Variants in CSMD3 observed in about 807,000 individuals in gnomAD.
CSMD3 encodes the protein CUB and sushi domain-containing protein 3.
CSMD3 carries 177 observed loss-of-function variants against 435.2 expected under a neutral mutation model. The ratio of observed to expected loss-of-function variants is 0.41; its 90% CI spans 0.36 to 0.46. The LOEUF is 0.46. Ranked by LOEUF, CSMD3 falls within the 20% of genes least tolerant of loss-of-function variation. The pLI, the probability that CSMD3 is intolerant of heterozygous loss-of-function variation, is 0.34. For synonymous variants in CSMD3, 1,656 were observed against 1,520.5 expected (o/e 1.09, Z -2.07); for missense variants, 4,265 against 4,504.6 (o/e 0.95, Z 1.52).
chr8:112,509,824 C>A (rs1001310503), intron 28 of CSMD3, among the ~76,000 whole-genome samples: 1 of 151,952 alleles, frequency 6.6e-6, no homozygotes, highest in Admixed American at 6.6e-5. Flanking sequence ...ATTTTTATAC[C>A]CTGATAACAC....
chr8:112,947,914 T>C lies in CSMD3; in HGVS notation c.1421-37A>G, dbSNP rs777602304. The C allele has an allele frequency of 2.0e-5, 17 of 834,678 alleles. No homozygotes were observed. The South Asian group carries it at 2.4e-4, about 12-fold the overall frequency. 51.7% of individuals were successfully genotyped at this position (834,678 alleles called of 1,614,324 possible). On this transcript the variant is annotated intron_variant, in intron 8 of 70. Transcript: ENST00000297405. Reference sequence around the variant, plus strand: ...GGGAAAAAAGAAAAAAGAAACAAAATATATGTGATTAGAAAATCGATGATA... The same window carrying C: ...GGGAAAAAAGAAAAAAGAAACAAAACATATGTGATTAGAAAATCGATGATA...
At chr8:113,043,186 C>T (rs1421816577) in intron 5 of CSMD3, among the ~76,000 whole-genome samples, 4 of 152,178 alleles carry the variant, frequency 2.6e-5, no homozygotes, top group Non-Finnish European at 5.9e-5. Flanking sequence ...TAAATACAAA[C>T]ATGCAGGGTC....
At chr8:112,860,534 A>G (rs1190164380) in intron 10 of CSMD3, among the ~76,000 whole-genome samples, 1 of 150,828 alleles carries the variant, frequency 6.6e-6, no homozygotes, top group Non-Finnish European at 1.5e-5. Flanking sequence ...CTCCCCTTTC[A>G]CTCTTCAAAA....
intron 5 of CSMD3, among the ~76,000 whole-genome samples, chr8:113,044,453 A>G (rs2087749153): frequency 6.7e-6 from 1 of 149,018 alleles, no homozygotes; most frequent in African/African-American, 2.4e-5. Flanking sequence ...TGACCCTAAC[A>G]CTATGCCCAG....
intron 3 of CSMD3, among the ~76,000 whole-genome samples, chr8:113,198,818 T>C (rs1198028197): frequency 6.6e-6 from 1 of 151,230 alleles, no homozygotes; most frequent in African/African-American, 2.4e-5. Context: ...ATATAATTAA[T>C]ACCTTGTTTT....
chr8:113,048,141 G>A (rs532487692), intron 5 of CSMD3, among the ~76,000 whole-genome samples: 273 of 144,456 alleles, frequency 1.9e-3, no homozygotes, highest in African/African-American at 6.8e-3. Flanking sequence ...CGCCCAGGCT[G>A]GAGTGCAGTG....
At chr8:113,198,280 T>C (rs1315897278) in intron 3 of CSMD3, among the ~76,000 whole-genome samples, 4 of 151,384 alleles carry the variant, frequency 2.6e-5, no homozygotes, top group Non-Finnish European at 5.9e-5. Flanking sequence ...CTTCATATCA[T>C]AATCACTGCA....
chr8:112,237,107 T>C (rs1813659409), intron 67 of CSMD3, 83 bp downstream of exon 67: 1 of 1,425,556 alleles, frequency 7.0e-7, no homozygotes, highest in Admixed American at 1.7e-5. Context: ...TTTCACCATA[T>C]AAAAAGCATT....
At chr8:113,286,472 C>T (rs1448902175) in intron 2 of CSMD3, among the ~76,000 whole-genome samples, 3 of 151,754 alleles carry the variant, frequency 2.0e-5, no homozygotes, top group Non-Finnish European at 2.9e-5. Context: ...ATAAATTGTA[C>T]GTTTAGAATA....
At chr8:112,378,246 T>C (rs1829136894) in intron 38 of CSMD3, among the ~76,000 whole-genome samples, 1 of 149,770 alleles carries the variant, frequency 6.7e-6, no homozygotes. Context: ...TAAACAATAG[T>C]AGGGAGGTTT....
chr8:113,270,288 ATCATTAAAAAGTCG>A lies in CSMD3; in HGVS notation c.514+8290_514+8303del, dbSNP rs1353265079. Among the ~76,000 whole-genome samples the A allele has an allele frequency of 5.6e-3, 428 of 76,370 alleles. 5 individuals carry two copies. Among genetic ancestry groups the A allele is most frequent in the African/African-American group, 0.027 (369 of 13,578 alleles). The allele number at this position is 76,370 out of a possible 152,430, so 50.1% of individuals were successfully genotyped here. On this transcript the variant is annotated intron_variant, in intron 3 of 70. Coordinates refer to ENST00000297405, the MANE Select transcript of CSMD3 (RefSeq NM_198123.2). ...CCATCTCACACCAGTTAGAATGGCG[ATCATTAAAAAGTCG>A]ATCATTAAAAAGTCGGGAAACAACA...
chr8:112,920,006 C>T (rs1414623952), intron 10 of CSMD3, among the ~76,000 whole-genome samples: 1 of 151,556 alleles, frequency 6.6e-6, no homozygotes, highest in Non-Finnish European at 1.5e-5. Flanking sequence ...AGAGAGAACT[C>T]GAGTACAGAG....
At chr8:112,813,943 CAAGG>C in intron 12 of CSMD3, among the ~76,000 whole-genome samples, 1 of 152,306 alleles carries the variant, frequency 6.6e-6, no homozygotes, top group South Asian at 2.1e-4. Context: ...GCAAATGTCC[CAAGG>C]CTTCGCCCCG....
rs1034660004 is a variant in CSMD3, at chr8:112,302,063, G to A, written c.8267-97C>T. Reference sequence around the variant, plus strand: ...GAACATTTTGAGCTTCCTATGATTTGATGTATTTACAAAGGAAATTGGCAT... The same window carrying A: ...GAACATTTTGAGCTTCCTATGATTTAATGTATTTACAAAGGAAATTGGCAT... On this transcript the variant is annotated intron_variant, in intron 52 of 70. Coordinates refer to ENST00000297405, the MANE Select transcript of CSMD3 (RefSeq NM_198123.2). 6.0e-6 allele frequency: 5 copies of A among 839,822 alleles called. No individual in the cohort carries two copies. In the Admixed American group the frequency reaches 1.0e-4, roughly 17 times the overall value. 52.0% of individuals were successfully genotyped at this position (839,822 alleles called of 1,614,324 possible). A position where few individuals can be genotyped will look rare whatever the true frequency, so the allele number is the denominator to read the frequency against.
At chr8:113,229,459 C>T (rs953971428) in intron 3 of CSMD3, among the ~76,000 whole-genome samples, 6 of 150,976 alleles carry the variant, frequency 4.0e-5, no homozygotes, top group African/African-American at 1.5e-4. Context: ...CTTTAAAAAA[C>T]TTAAGTCTCT....
At chr8:112,480,192 T>C (rs1819499913) in intron 31 of CSMD3, among the ~76,000 whole-genome samples, 1 of 152,198 alleles carries the variant, frequency 6.6e-6, no homozygotes, top group Non-Finnish European at 1.5e-5. Context: ...GACCCTTTCT[T>C]TGGGCCAATT....
At position 112,318,854 on chromosome 8, in the gene CSMD3, G is replaced by T; in HGVS notation, c.7343C>A (p.Ala2448Glu). The stretch of plus-strand genomic sequence containing the variant: ...TTGAATACCTTGACAAACTGGAGGT[G>T]CTCCATCCATCTGCAGTCGTTCTCC... ...RLGERLQMDGAPPVCQVLCPA... is the reference protein window; with the variant it reads ...RLGERLQMDGEPPVCQVLCPA... The change falls in exon 47 of 71, where the codon GCA becomes GAA. Residue 2448 changes from alanine (A) to glutamate (E), a missense_variant. Ala to Glu is a moderately radical substitution (Grantham distance 107, BLOSUM62 -1). Transcript: ENST00000297405. The T allele has an allele frequency of 6.2e-7, 1 of 1,609,194 alleles. No homozygotes were observed. Among genetic ancestry groups the T allele is most frequent in the Non-Finnish European group, 8.5e-7 (1 of 1,176,458 alleles).
At chr8:113,123,483 T>C (rs1320320822) in intron 4 of CSMD3, among the ~76,000 whole-genome samples, 1 of 152,092 alleles carries the variant, frequency 6.6e-6, no homozygotes, top group Admixed American at 6.6e-5. Context: ...CACACAGGCA[T>C]ATTCTTTCTT....
intron 10 of CSMD3, among the ~76,000 whole-genome samples, chr8:112,899,844 G>A (rs1319177571): frequency 6.7e-6 from 1 of 149,402 alleles, no homozygotes; most frequent in Non-Finnish European, 1.5e-5. Flanking sequence ...GAGAGAGAGA[G>A]AGAGAGTCAG....
Sources: allele counts gnomAD v4.1 joint callset (sites outside exome capture counted in the v4.1 genomes callset), GRCh38; gene constraint gnomAD v4.1.1; transcripts MANE v1.5; gene names NCBI Gene and HGNC (gene_info 2026-07-23, HGNC 2026-07-21).